Variants in FLT1 observed in about 807,000 individuals in gnomAD.
FLT1 encodes the protein vascular endothelial growth factor receptor 1.
A neutral mutation model predicts 156.3 loss-of-function variants in FLT1; 49 were observed. That is an observed-to-expected ratio of 0.31 (90% CI 0.25 to 0.40). The LOEUF (loss-of-function observed/expected upper bound fraction) is 0.40. FLT1 is among the 10% of genes least tolerant of loss of function. FLT1 has a pLI of 1.00. For synonymous variants in FLT1, 594 were observed against 583.8 expected (o/e 1.02, Z -0.25); for missense variants, 1,322 against 1,637.2 (o/e 0.81, Z 3.32).
chr13:28,366,631 G>T (rs527987621), intron 14 of FLT1, among the ~76,000 whole-genome samples: 1 of 151,826 alleles, frequency 6.6e-6, no homozygotes, highest in Non-Finnish European at 1.5e-5. Flanking sequence ...CACCACGCCC[G>T]GCTAATTTTT....
At chr13:28,429,246 C>A (rs1420999050) in intron 8 of FLT1, among the ~76,000 whole-genome samples, 1 of 152,158 alleles carries the variant, frequency 6.6e-6, no homozygotes, top group Non-Finnish European at 1.5e-5. Flanking sequence ...TGCAAACAAA[C>A]ACTGCCCTCA....
At chr13:28,433,312 G>T (rs367811058) in intron 6 of FLT1, among the ~76,000 whole-genome samples, 27 of 152,308 alleles carry the variant, frequency 1.8e-4, no homozygotes, top group African/African-American at 6.3e-4. Context: ...GGACAGAATT[G>T]CTCCCCTGAC....
At chr13:28,399,369 C>T (rs1566004274) in intron 11 of FLT1, among the ~76,000 whole-genome samples, 1 of 152,258 alleles carries the variant, frequency 6.6e-6, no homozygotes. Context: ...AAGTGAAAAA[C>T]CCATTTCTGT....
At chr13:28,458,978 A>T (rs1022406567) in intron 3 of FLT1, among the ~76,000 whole-genome samples, 2 of 152,240 alleles carry the variant, frequency 1.3e-5, no homozygotes, top group African/African-American at 4.8e-5. Context: ...AACCCTAGAA[A>T]TATCTGTTTC....
At chr13:28,378,652 C>T (rs749577573) in intron 14 of FLT1, among the ~76,000 whole-genome samples, 5 of 152,152 alleles carry the variant, frequency 3.3e-5, no homozygotes, top group Non-Finnish European at 5.9e-5. Flanking sequence ...CGGTCAGAAT[C>T]ATTCAGCAAA....
intron 9 of FLT1, 29 bp from the exon 10 acceptor site, chr13:28,427,347 A>T: frequency 6.2e-7 from 1 of 1,609,730 alleles, no homozygotes; most frequent in Non-Finnish European, 8.5e-7. Flanking sequence ...ACGGGACAGA[A>T]GTCAAGAGCA....
intron 14 of FLT1, among the ~76,000 whole-genome samples, chr13:28,375,514 C>T (rs1430223973): frequency 6.6e-6 from 1 of 152,180 alleles, no homozygotes; most frequent in Non-Finnish European, 1.5e-5. Flanking sequence ...ACCCCACTAC[C>T]TCTCTTACTT....
chr13:28,399,585 T>C (rs1390117018), intron 11 of FLT1, among the ~76,000 whole-genome samples: 1 of 152,166 alleles, frequency 6.6e-6, no homozygotes, highest in Non-Finnish European at 1.5e-5. Context: ...GCCGTGGCCA[T>C]TTTACAAGTC....
chr13:28,399,101 A>C (rs1875259444), intron 11 of FLT1: 1 of 1,550,980 alleles, frequency 6.4e-7, no homozygotes, highest in African/African-American at 1.4e-5. Flanking sequence ...ACATGAAAGA[A>C]CTGTTAGCTG....
intron 14 of FLT1, among the ~76,000 whole-genome samples, chr13:28,375,082 T>C (rs1454977468): frequency 6.6e-6 from 1 of 152,242 alleles, no homozygotes; most frequent in East Asian, 1.9e-4. Context: ...CAGGAAATTT[T>C]CTTTAGGCAA....
intron 12 of FLT1, chr13:28,396,701 C>T (rs1039570484): frequency 8.5e-6 from 5 of 585,130 alleles, no homozygotes; most frequent in Admixed American, 2.5e-5. Flanking sequence ...AATGAGCATA[C>T]AAGATTCCCA....
At chr13:28,321,696 A>C (rs1044444363) in intron 22 of FLT1, 111 bp from the exon 23 acceptor site, 1 of 1,087,520 alleles carries the variant, frequency 9.2e-7, no homozygotes, top group Non-Finnish European at 1.4e-6. Flanking sequence ...CATGCTGTGA[A>C]GGGAGCACCT....
intron 20 of FLT1, among the ~76,000 whole-genome samples, chr13:28,323,462 A>AC (rs1007370280): frequency 4.6e-5 from 7 of 151,862 alleles, no homozygotes; most frequent in Non-Finnish European, 1.0e-4. Context: ...GATCAGCCTG[A>AC]CCAATATGGA....
At chr13:28,382,422 G>A (rs1366637074) in intron 14 of FLT1, among the ~76,000 whole-genome samples, 2 of 152,252 alleles carry the variant, frequency 1.3e-5, no homozygotes, top group East Asian at 3.8e-4. Flanking sequence ...CGTAGGAGTA[G>A]GCAGGGGCTA....
chr13:28,490,220 G>T lies in FLT1; in HGVS notation c.64+4560C>A, dbSNP rs147244241. On this transcript the variant is annotated intron_variant, in intron 1 of 29. Coordinates refer to ENST00000282397, the MANE Select transcript of FLT1 (RefSeq NM_002019.4). ...CATCTAGCTCTTACAACGTGTGTGT[G>T]TATCTGTGAGACAAGATCAAGTTCC... Among the ~76,000 whole-genome samples the T allele has an allele frequency of 1.1e-3, 174 of 152,294 alleles. 1 individual carries two copies. The highest frequency in any genetic ancestry group is 2.1e-3 in the Non-Finnish European group (145 of 68,030).
intron 18 of FLT1, among the ~76,000 whole-genome samples, chr13:28,331,274 G>C (rs1359163368): frequency 1.3e-5 from 2 of 152,208 alleles, no homozygotes; most frequent in East Asian, 3.8e-4. Flanking sequence ...CCTGTGCATG[G>C]GGTTAGGGCT....
chr13:28,327,647 C>T (rs1871739630), intron 19 of FLT1, 97 bp from the exon 20 acceptor site: 2 of 805,338 alleles, frequency 2.5e-6, no homozygotes, highest in Admixed American at 1.9e-5. Context: ...AACCAACCAG[C>T]CTTTGTATTA....
At chr13:28,411,277 C>A (rs953497946) in intron 10 of FLT1, among the ~76,000 whole-genome samples, 1 of 151,684 alleles carries the variant, frequency 6.6e-6, no homozygotes. Context: ...TCTGGCCAGG[C>A]GCTGTGACTC....
intron 17 of FLT1, among the ~76,000 whole-genome samples, chr13:28,338,213 C>A (rs1872191876): frequency 6.6e-6 from 1 of 152,084 alleles, no homozygotes; most frequent in South Asian, 2.1e-4. Context: ...AAATCCCTCA[C>A]CCCAGTATCA....
Sources: gnomAD v4.1 joint callset for allele counts (sites outside exome capture counted in the v4.1 genomes callset) on GRCh38, gnomAD v4.1.1 for gene constraint, MANE v1.5 for transcripts, NCBI Gene and HGNC (gene_info 2026-07-23, HGNC 2026-07-21) for gene names.